The following KCNJ3 variants were observed in gnomAD, a reference collection of about 807,000 sequenced individuals.
KCNJ3 encodes the protein potassium inwardly rectifying channel subfamily J member 3, also known as G protein-activated inward rectifier potassium channel 1.
A neutral mutation model predicts 39.2 loss-of-function variants in KCNJ3; 4 were observed. That is an observed-to-expected ratio of 0.10 (90% confidence interval 0.05 to 0.23). The LOEUF is 0.23. KCNJ3 is among the 10% of genes least tolerant of loss of function. The pLI, the probability that KCNJ3 is intolerant of heterozygous loss-of-function variation, is 1.00. For synonymous variants in KCNJ3, 230 were observed against 237.4 expected (o/e 0.97, Z 0.29); for missense variants, 276 against 634.9 (o/e 0.43, Z 6.08).
chr2:154,734,153 C>T (rs911876762), intron 2 of KCNJ3, among the ~76,000 whole-genome samples: 5 of 152,208 alleles, frequency 3.3e-5, no homozygotes, highest in African/African-American at 1.2e-4. Context: ...TATTTGCATC[C>T]CACTTTCATG....
At chr2:154,757,675 T>C (rs1317932472) in intron 2 of KCNJ3, among the ~76,000 whole-genome samples, 1 of 152,214 alleles carries the variant, frequency 6.6e-6, no homozygotes, top group African/African-American at 2.4e-5. Flanking sequence ...GGCTATGTAA[T>C]TTATAAATAA....
intron 2 of KCNJ3, among the ~76,000 whole-genome samples, chr2:154,826,613 C>A (rs1687275949): frequency 6.6e-6 from 1 of 152,254 alleles, no homozygotes; most frequent in East Asian, 1.9e-4. Flanking sequence ...GAAATAAATA[C>A]ATGCAGCTAC....
At chr2:154,795,024 G>A (rs781266600) in intron 2 of KCNJ3, among the ~76,000 whole-genome samples, 3 of 151,864 alleles carry the variant, frequency 2.0e-5, no homozygotes, top group African/African-American at 4.8e-5. Flanking sequence ...GTGAAATGAG[G>A]GATATATACC....
At chr2:154,792,604 T>A (rs1686653647) in intron 2 of KCNJ3, among the ~76,000 whole-genome samples, 1 of 152,090 alleles carries the variant, frequency 6.6e-6, no homozygotes, top group Non-Finnish European at 1.5e-5. Context: ...AGACTCCTCT[T>A]AGGAGCCATG....
chr2:154,841,815 T>C (rs1486558041), intron 2 of KCNJ3, among the ~76,000 whole-genome samples: 1 of 152,132 alleles, frequency 6.6e-6, no homozygotes, highest in Non-Finnish European at 1.5e-5. Context: ...ATCTATTTGA[T>C]TCTTCTCTCT....
chr2:154,855,381 A>T lies in KCNJ3; in HGVS notation c.*68A>T. 1 of 1,042,866 alleles carries T rather than the reference A, an allele frequency of 9.6e-7. No individual in the cohort carries two copies. The highest frequency in any genetic ancestry group is 1.7e-5 in the South Asian group (1 of 59,926). 64.6% of individuals were successfully genotyped at this position (1,042,866 alleles called of 1,614,324 possible). On this transcript the variant is annotated 3_prime_UTR_variant, in exon 3 of 3. Coordinates refer to ENST00000295101, the MANE Select transcript of KCNJ3 (RefSeq NM_002239.4). ...TAGTCCAATATTTGGCGATGAGGTA[A>T]TTCTCCCTAAGGAATCTGAAAGTAT...
chr2:154,725,490 T>A (rs576933729), intron 2 of KCNJ3, among the ~76,000 whole-genome samples: 20 of 152,110 alleles, frequency 1.3e-4, no homozygotes, highest in Non-Finnish European at 2.2e-4. Flanking sequence ...TCCCCTGCAA[T>A]TATTTAAAAC....
chr2:154,842,106 C>T lies in KCNJ3; in HGVS notation c.920-12621C>T, dbSNP rs565117355. Among the ~76,000 whole-genome samples, 62 of 152,286 alleles carry T rather than the reference C, an allele frequency of 4.1e-4. 1 individual carries two copies. In the South Asian group the frequency reaches 0.013, roughly 31 times the overall value. On this transcript the variant is annotated intron_variant, in intron 2 of 2. Transcript: ENST00000295101. ...GCTATAAATTTCCCTCTACAAGCTG[C>T]TTTAAATGTGTCCCAGAGATTCTGG...
intron 2 of KCNJ3, among the ~76,000 whole-genome samples, chr2:154,839,140 C>G (rs771538471): frequency 1.3e-5 from 2 of 152,248 alleles, no homozygotes; most frequent in East Asian, 1.9e-4. Flanking sequence ...TGTTCCCCGC[C>G]TTGTGTCCAA....
At chr2:154,836,077 G>T (rs1183342222) in intron 2 of KCNJ3, among the ~76,000 whole-genome samples, 1 of 151,956 alleles carries the variant, frequency 6.6e-6, no homozygotes, top group African/African-American at 2.4e-5. Flanking sequence ...TGGCGTGGTG[G>T]CATGCGCCTG....
At chr2:154,770,376 G>A (rs1191329349) in intron 2 of KCNJ3, among the ~76,000 whole-genome samples, 2 of 152,080 alleles carry the variant, frequency 1.3e-5, no homozygotes, top group African/African-American at 4.8e-5. Flanking sequence ...CTGTTCCGTC[G>A]TAGCTCTTGG....
intron 2 of KCNJ3, among the ~76,000 whole-genome samples, chr2:154,822,180 C>G (rs543611084): frequency 6.6e-6 from 1 of 152,048 alleles, no homozygotes; most frequent in Non-Finnish European, 1.5e-5. Flanking sequence ...TATTTTCAGA[C>G]GTTTACAAAT....
chr2:154,742,330 A>G (rs1215088822), intron 2 of KCNJ3, among the ~76,000 whole-genome samples: 6 of 151,858 alleles, frequency 4.0e-5, no homozygotes, highest in Non-Finnish European at 8.8e-5. Flanking sequence ...ATACTGCTGT[A>G]GTGAACATGG....
intron 2 of KCNJ3, among the ~76,000 whole-genome samples, chr2:154,752,240 A>G (rs955509007): frequency 6.6e-6 from 1 of 151,388 alleles, no homozygotes; most frequent in Non-Finnish European, 1.5e-5. Context: ...TGCTATTGTC[A>G]TAATAAAAGT....
At chr2:154,841,155 T>TTTTG (rs1687568581) in intron 2 of KCNJ3, among the ~76,000 whole-genome samples, 1 of 152,230 alleles carries the variant, frequency 6.6e-6, no homozygotes, top group Non-Finnish European at 1.5e-5. Context: ...GGCTGTTGAA[T>TTTTG]TTTGTTAAAG....
intron 2 of KCNJ3, among the ~76,000 whole-genome samples, chr2:154,777,676 A>T (rs1686362873): frequency 6.6e-6 from 1 of 152,062 alleles, no homozygotes; most frequent in African/African-American, 2.4e-5. Context: ...AATACATAGG[A>T]TTTTGGGAAT....
chr2:154,699,609 G>C lies in KCNJ3; in HGVS notation c.702+132G>C. 1.5e-6 allele frequency: 2 copies of C among 1,361,638 alleles called. No homozygotes were observed. Among genetic ancestry groups the C allele is most frequent in the South Asian group, 1.5e-5 (1 of 67,086 alleles). 84.3% of individuals were successfully genotyped at this position (1,361,638 alleles called of 1,614,324 possible). A position where few individuals can be genotyped will look rare whatever the true frequency, so the allele number is the denominator to read the frequency against. ...GCCACAGGTAAACTTCCTTTTGGGG[G>C]GTTGGGGGTTGGAGGACTGGGCAAA... On this transcript the variant is annotated intron_variant, in intron 1 of 2. Transcript: ENST00000295101. The surrounding 1 kb of genome is among the most constrained non-coding windows in gnomAD (Gnocchi z 6.4).
intron 2 of KCNJ3, among the ~76,000 whole-genome samples, chr2:154,721,848 T>C (rs995447015): frequency 3.9e-5 from 6 of 152,180 alleles, no homozygotes; most frequent in African/African-American, 1.4e-4. Flanking sequence ...AGTCCATTGG[T>C]GGAATGATCT....
chr2:154,713,748 C>G (rs988175913), intron 2 of KCNJ3, among the ~76,000 whole-genome samples: 2 of 152,198 alleles, frequency 1.3e-5, no homozygotes, highest in Non-Finnish European at 2.9e-5. Flanking sequence ...TGCAACTTCT[C>G]CCAGGAGAGA....
Sources: gnomAD v4.1 joint callset for allele counts (sites outside exome capture counted in the v4.1 genomes callset) on GRCh38, gnomAD v4.1.1 for gene constraint, Gnocchi (gnomAD v3.1) non-coding constraint, MANE v1.5 for transcripts, NCBI Gene and HGNC (gene_info 2026-07-23, HGNC 2026-07-21) for gene names.